Variants in GOLM2 observed in about 807,000 individuals in gnomAD.
GOLM2 encodes protein GOLM2.
GOLM2 carries 26 observed loss-of-function variants against 55.9 expected under a neutral mutation model. The observed-to-expected ratio is 0.47, with a 90% CI of 0.34 to 0.65. The LOEUF is 0.65. GOLM2 is among the 30% of genes least tolerant of loss of function. GOLM2 has a pLI of 0.01. For synonymous variants in GOLM2, 165 were observed against 194.6 expected (o/e 0.85, Z 1.27); for missense variants, 486 against 531.8 (o/e 0.91, Z 0.85).
intron 6 of GOLM2, among the ~76,000 whole-genome samples, chr15:44,359,115 A>G (rs1381142787): frequency 1.3e-5 from 2 of 151,812 alleles, no homozygotes; most frequent in Non-Finnish European, 2.9e-5. Flanking sequence ...GCGCCAATGC[A>G]CTCCAGCCTG....
chr15:44,378,044 T>TTTAA, intron 6 of GOLM2, among the ~76,000 whole-genome samples: 2 of 149,436 alleles, frequency 1.3e-5, no homozygotes, highest in Middle Eastern at 7.0e-3. Flanking sequence ...TATTTATTTA[T>TTTAA]TTATTTATTT....
intron 1 of GOLM2, among the ~76,000 whole-genome samples, chr15:44,297,036 C>G (rs1332176881): frequency 6.6e-6 from 1 of 152,180 alleles, no homozygotes; most frequent in Non-Finnish European, 1.5e-5. Context: ...TTCCTACCTT[C>G]TTGGTTCCTA....
At chr15:44,291,104 CTT>C (rs577138423) in intron 1 of GOLM2, among the ~76,000 whole-genome samples, 21 of 129,306 alleles carry the variant, frequency 1.6e-4, no homozygotes, top group Admixed American at 1.6e-4. Context: ...TGCCCAGCCT[CTT>C]TTTTTTTTTT....
chr15:44,391,607 A>G (rs1217120199), intron 8 of GOLM2, among the ~76,000 whole-genome samples: 1 of 139,800 alleles, frequency 7.2e-6, no homozygotes, highest in Non-Finnish European at 1.6e-5. Context: ...TGAAAAAAAA[A>G]GAACATCAAT....
At chr15:44,359,972 A>G (rs2079225735) in intron 6 of GOLM2, among the ~76,000 whole-genome samples, 2 of 150,668 alleles carry the variant, frequency 1.3e-5, no homozygotes, top group Non-Finnish European at 1.5e-5. Context: ...AGTGAAGGAG[A>G]AATAAAATAC....
In GOLM2 at chr15:44,380,823, A is replaced by C. The variant is rs139631215; in HGVS notation, c.919A>C (p.Asn307His). The part of the protein sequence containing the change: ...NMPPDSHINH[N>H]GNPGTSKQNP... ...TGCCACAGATTCACACATAAACCAC[A>C]ATGGAAACCCCGGTACTTCAAAACA... The change falls in exon 8 of 10, where the codon AAT (asparagine) becomes CAT (histidine). Residue 307 changes from asparagine (N) to histidine (H), a missense_variant. Coordinates refer to ENST00000299957, the MANE Select transcript of GOLM2 (RefSeq NM_138423.4). 2.5e-4 allele frequency: 388 copies of C among 1,552,922 alleles called. 3 individuals are homozygous for C. In the African/African-American group the frequency reaches 4.8e-3, roughly 19 times the overall value.
chr15:44,294,991 A>G (rs1335496765), intron 1 of GOLM2, among the ~76,000 whole-genome samples: 3 of 152,040 alleles, frequency 2.0e-5, no homozygotes, highest in Non-Finnish European at 4.4e-5. Flanking sequence ...CTCCAGAGGA[A>G]TCAGAAAGGT....
intron 1 of GOLM2, among the ~76,000 whole-genome samples, chr15:44,315,339 T>C (rs1350636338): frequency 6.6e-6 from 1 of 152,194 alleles, no homozygotes; most frequent in African/African-American, 2.4e-5. Context: ...GTTGTGCTGA[T>C]TGCCCAAGAA....
chr15:44,302,667 T>A (rs1375292494), intron 1 of GOLM2, among the ~76,000 whole-genome samples: 1 of 152,030 alleles, frequency 6.6e-6, no homozygotes, highest in Non-Finnish European at 1.5e-5. Flanking sequence ...ATTTTTATTT[T>A]TTTTGTAGAG....
At chr15:44,313,922 G>T (rs190530516) in intron 1 of GOLM2, among the ~76,000 whole-genome samples, 1 of 152,112 alleles carries the variant, frequency 6.6e-6, no homozygotes, top group Admixed American at 6.5e-5. Flanking sequence ...CAAGACCAAA[G>T]ACCTTGTTTA....
chr15:44,343,374 G>A (rs946867058), intron 6 of GOLM2, among the ~76,000 whole-genome samples: 1 of 150,206 alleles, frequency 6.7e-6, no homozygotes, highest in African/African-American at 2.4e-5. Flanking sequence ...TGTAATTGTA[G>A]CCCCATTTTT....
chr15:44,359,153 AAAT>A (rs1012185668), intron 6 of GOLM2, among the ~76,000 whole-genome samples: 5 of 151,862 alleles, frequency 3.3e-5, no homozygotes, highest in African/African-American at 9.7e-5. Context: ...CTGTCTCAAA[AAAT>A]AATAATAATA....
Position 44,310,489 on chromosome 15 carries a change from TACAC to T in GOLM2, c.328-12467_328-12464del, listed in dbSNP as rs1352234793. Among the ~76,000 whole-genome samples the T allele has an allele frequency of 1.1e-4, 14 of 131,990 alleles. No individual in the cohort carries two copies. The South Asian group carries it at 1.1e-3, about 11-fold the overall frequency. The allele number at this position is 131,990 out of a possible 152,430, so 86.6% of individuals were successfully genotyped here. A position where few individuals can be genotyped will look rare whatever the true frequency, so the allele number is the denominator to read the frequency against. ...ATATATGTATATATATATATATATA[TACAC>T]ACACACACCCACACACACACACACA... On this transcript the variant is annotated intron_variant, in intron 1 of 9. Coordinates refer to ENST00000299957, the MANE Select transcript of GOLM2 (RefSeq NM_138423.4).
chr15:44,293,687 A>G (rs1247803650), intron 1 of GOLM2, among the ~76,000 whole-genome samples: 3 of 152,196 alleles, frequency 2.0e-5, no homozygotes, highest in Non-Finnish European at 2.9e-5. Flanking sequence ...TAACATGGGT[A>G]TGTTTTTCAA....
At chr15:44,326,475 C>T (rs1486373089) in intron 2 of GOLM2, among the ~76,000 whole-genome samples, 2 of 151,474 alleles carry the variant, frequency 1.3e-5, no homozygotes. Flanking sequence ...TATAATTCCA[C>T]AATAAAATTT....
At chr15:44,402,639 A>C (rs1339777107) in intron 8 of GOLM2, 2 of 356,276 alleles carry the variant, frequency 5.6e-6, no homozygotes, top group East Asian at 9.7e-5. Context: ...TTAAGAAATC[A>C]TTCAAATTTT....
intron 1 of GOLM2, among the ~76,000 whole-genome samples, chr15:44,295,947 C>CACAG (rs2078753753): frequency 6.6e-6 from 1 of 151,194 alleles, no homozygotes; most frequent in Non-Finnish European, 1.5e-5. Flanking sequence ...CACACACACA[C>CACAG]AGACACCCTT....
intron 2 of GOLM2, among the ~76,000 whole-genome samples, chr15:44,324,984 G>A (rs998808925): frequency 6.6e-6 from 1 of 152,124 alleles, no homozygotes; most frequent in African/African-American, 2.4e-5. Flanking sequence ...TTCATATAAA[G>A]AAAACACATG....
intron 1 of GOLM2, among the ~76,000 whole-genome samples, chr15:44,309,964 A>C (rs1333295108): frequency 6.6e-6 from 1 of 151,838 alleles, no homozygotes; most frequent in African/African-American, 2.4e-5. Context: ...GCTCACTGCA[A>C]CCTCCGCCTC....
Sources: allele counts gnomAD v4.1 joint callset (sites outside exome capture counted in the v4.1 genomes callset), GRCh38; gene constraint gnomAD v4.1.1; transcripts MANE v1.5; gene names NCBI Gene and HGNC (gene_info 2026-07-23, HGNC 2026-07-21).